Variants in PRKD3 observed in about 807,000 individuals in gnomAD.
The protein encoded by PRKD3 is serine/threonine-protein kinase D3.
PRKD3 carries 47 observed loss-of-function variants against 99.2 expected under a neutral mutation model. The observed-to-expected ratio is 0.47, with a 90% CI of 0.38 to 0.60. The LOEUF (loss-of-function observed/expected upper bound fraction) is 0.60. Ranked by LOEUF, PRKD3 falls within the 20% of genes least tolerant of loss-of-function variation. The probability of loss-of-function intolerance (pLI) is 0.00; values close to 1 mark genes in which losing one functional copy is unlikely to be tolerated. For synonymous variants in PRKD3, 392 were observed against 355.4 expected, an observed-to-expected ratio of 1.10 and a Z score of -1.16; for missense variants, 1,019 against 1,088.4, an observed-to-expected ratio of 0.94 and a Z score of 0.90.
At chr2:37,281,299 A>G (rs187921091) in intron 7 of PRKD3, among the ~76,000 whole-genome samples, 103 of 152,338 alleles carry the variant, frequency 6.8e-4, no homozygotes, top group Admixed American at 2.2e-3. Context: ...CATGAAGTAT[A>G]AATTTATAAA....
intron 1 of PRKD3, among the ~76,000 whole-genome samples, chr2:37,322,686 T>G (rs1285147780): frequency 1.3e-5 from 2 of 152,238 alleles, no homozygotes; most frequent in Non-Finnish European, 2.9e-5. Flanking sequence ...GAAAAATTTT[T>G]TTTCCTACAT....
At chr2:37,307,392 A>T (rs954672963) in intron 2 of PRKD3, among the ~76,000 whole-genome samples, 1 of 152,212 alleles carries the variant, frequency 6.6e-6, no homozygotes, top group African/African-American at 2.4e-5. Context: ...AGCTCTACAA[A>T]CTAATTATCT....
chr2:37,274,304 G>T (rs1042804700), intron 11 of PRKD3, 117 bp downstream of exon 11: 1 of 1,149,662 alleles, frequency 8.7e-7, no homozygotes, highest in Non-Finnish European at 1.2e-6. Context: ...CTAAAGTATT[G>T]GTTACTAAAG....
intron 6 of PRKD3, among the ~76,000 whole-genome samples, chr2:37,283,091 C>T (rs1209902253): frequency 6.6e-6 from 1 of 152,236 alleles, no homozygotes. Flanking sequence ...AGGCCTCCCA[C>T]TTTTACATAA....
At chr2:37,299,769 G>A (rs867400764) in intron 2 of PRKD3, among the ~76,000 whole-genome samples, 5 of 152,018 alleles carry the variant, frequency 3.3e-5, no homozygotes, top group African/African-American at 1.2e-4. Context: ...ACAAATGCCC[G>A]ATTGGTATAT....
chr2:37,322,887 T>C, intron 1 of PRKD3, among the ~76,000 whole-genome samples: 1 of 152,146 alleles, frequency 6.6e-6, no homozygotes, highest in East Asian at 1.9e-4. Flanking sequence ...TAGCAAAGAA[T>C]TTCCTTATAT....
chr2:37,262,653 G>C (rs6716123), intron 14 of PRKD3, among the ~76,000 whole-genome samples: 1 of 150,758 alleles, frequency 6.6e-6, no homozygotes, highest in Admixed American at 6.6e-5. Context: ...TGTTTTGCTA[G>C]GCCATAGTTG....
At chr2:37,305,372 T>G (rs942978566) in intron 2 of PRKD3, among the ~76,000 whole-genome samples, 1 of 152,242 alleles carries the variant, frequency 6.6e-6, no homozygotes, top group African/African-American at 2.4e-5. Flanking sequence ...TAAGAATTAT[T>G]CCAATTTCTG....
Position 37,316,583 on chromosome 2 carries a change from G to A in PRKD3, c.-59C>T. ...ATTCTTTTTCAATGGTTATGAAGAG[G>A]TTTTTAAAATAACAGCAGTAAAGAA... On this transcript the variant is annotated 5_prime_UTR_variant, in exon 2 of 19. Coordinates refer to ENST00000234179, the MANE Select transcript of PRKD3 (RefSeq NM_005813.6). 6.5e-7 allele frequency: 1 copy of A among 1,542,430 alleles called. No individual in the cohort carries two copies. Among genetic ancestry groups the A allele is most frequent in the Non-Finnish European group, 8.7e-7 (1 of 1,149,010 alleles).
chr2:37,306,313 C>T (rs1221368593), intron 2 of PRKD3, among the ~76,000 whole-genome samples: 1 of 152,204 alleles, frequency 6.6e-6, no homozygotes, highest in Non-Finnish European at 1.5e-5. Flanking sequence ...CTGCATTCTC[C>T]TGATTCCCAG....
At chr2:37,279,159 T>A (rs1440066630) in intron 8 of PRKD3, 1 of 152,088 alleles carries the variant, frequency 6.6e-6, no homozygotes, top group Non-Finnish European at 1.5e-5. Context: ...CCTGCCAAAA[T>A]GGGGACATTT....
chr2:37,275,712 GA>G, intron 10 of PRKD3, 54 bp downstream of exon 10: 2 of 1,509,316 alleles, frequency 1.3e-6, no homozygotes, highest in Admixed American at 2.1e-5. Context: ...AATATTATCT[GA>G]AAAAAACATA....
intron 6 of PRKD3, among the ~76,000 whole-genome samples, chr2:37,282,903 T>C (rs762170849): frequency 6.6e-6 from 1 of 151,990 alleles, no homozygotes; most frequent in Non-Finnish European, 1.5e-5. Context: ...CCCATGAGAG[T>C]TTCTCAAGCT....
intron 2 of PRKD3, among the ~76,000 whole-genome samples, chr2:37,309,421 A>G (rs1194105671): frequency 6.6e-6 from 1 of 152,206 alleles, no homozygotes; most frequent in East Asian, 1.9e-4. Context: ...ATAACAGCCT[A>G]AGGGTACAGA....
chr2:37,267,431 T>C lies in PRKD3; in HGVS notation c.1883A>G (p.Gln628Arg). 1 of 1,573,826 alleles carries C rather than the reference T, an allele frequency of 6.4e-7. No homozygotes were observed. The highest frequency in any genetic ancestry group is 8.7e-7 in the Non-Finnish European group (1 of 1,152,932). The change falls in exon 14 of 19, where the codon CAG (glutamine) becomes CGG (arginine). Residue 628 changes from glutamine to arginine, a missense_variant and splice_region_variant. This residue lies in a region of PRKD3 where 184 missense variants were observed against 275.1 expected (regional missense o/e 0.67). Coordinates refer to ENST00000234179, the MANE Select transcript of PRKD3 (RefSeq NM_005813.6). ...SQLRNEVAIL[Q>R]NLHHPGIVNL... Reference sequence around the variant, plus strand: ...CAGTTTTTTATTTTTTATTTTTACCTGTAAAATAGCCACTTCATTACGGAG... The same window carrying C: ...CAGTTTTTTATTTTTTATTTTTACCCGTAAAATAGCCACTTCATTACGGAG...
intron 2 of PRKD3, 105 bp downstream of exon 2, chr2:37,316,132 A>G: frequency 8.4e-7 from 1 of 1,190,328 alleles, no homozygotes; most frequent in Non-Finnish European, 1.2e-6. Context: ...TGCACAGAAT[A>G]AACTACTGAT....
intron 13 of PRKD3, 142 bp downstream of exon 13, chr2:37,269,473 A>C: frequency 1.5e-6 from 1 of 681,226 alleles, no homozygotes; most frequent in Non-Finnish European, 2.6e-6. Context: ...AGTGAGAAGG[A>C]TTTAGCTGAA....
intron 18 of PRKD3, 162 bp from the exon 19 acceptor site, chr2:37,253,512 T>C (rs1416508609): frequency 6.2e-6 from 3 of 485,348 alleles, no homozygotes; most frequent in Non-Finnish European, 1.0e-5. Context: ...ACTTGTGATA[T>C]TTTAAATGAG....
intron 2 of PRKD3, among the ~76,000 whole-genome samples, chr2:37,294,197 G>A (rs1450062207): frequency 2.6e-5 from 4 of 152,092 alleles, no homozygotes; most frequent in Admixed American, 2.0e-4. Context: ...TCCCAGGCTC[G>A]TGATCCTCCC....
Sources: allele counts gnomAD v4.1 joint callset (sites outside exome capture counted in the v4.1 genomes callset), GRCh38; gene constraint gnomAD v4.1.1; regional missense constraint gnomAD v4.1.1; transcripts MANE v1.5; gene names NCBI Gene and HGNC (gene_info 2026-07-23, HGNC 2026-07-21).